SGCZ: variants seen among roughly 807,000 people sequenced by gnomAD.
SGCZ encodes the protein zeta-sarcoglycan.
Under a neutral mutation model 41.3 loss-of-function variants are expected in SGCZ, and 40 were observed. The ratio of observed to expected loss-of-function variants is 0.97; its 90% CI spans 0.75 to 1.26. SGCZ has a LOEUF of 1.26. Ranked by LOEUF, SGCZ falls within the 50% of genes most tolerant of loss-of-function variation. The pLI, the probability that SGCZ is intolerant of heterozygous loss-of-function variation, is 0.00. For synonymous variants in SGCZ, 206 were observed against 137.5 expected (o/e 1.50, Z -3.49); for missense variants, 552 against 369.8 (o/e 1.49, Z -4.04).
At chr8:15,220,711 T>C (rs268344) in intron 1 of SGCZ, among the ~76,000 whole-genome samples, 141,438 of 152,208 alleles carry the variant, frequency 0.93, 65,941 homozygotes, top group Non-Finnish European at 0.97. Context: ...GACACATGCA[T>C]ACGTACGTTT....
At chr8:14,553,123 A>G (rs10090479) in intron 2 of SGCZ, among the ~76,000 whole-genome samples, 41,751 of 151,986 alleles carry the variant, frequency 0.27, 7,218 homozygotes, top group Non-Finnish European at 0.39. Flanking sequence ...TGCTCCTACC[A>G]TACGATAAAT....
At chr8:15,049,611 C>T (rs1357694139) in intron 1 of SGCZ, among the ~76,000 whole-genome samples, 3 of 152,072 alleles carry the variant, frequency 2.0e-5, no homozygotes, top group Admixed American at 1.3e-4. Context: ...TGCCACCATG[C>T]GCAGCTAGGT....
At chr8:14,411,563 A>G (rs964119104) in intron 2 of SGCZ, among the ~76,000 whole-genome samples, 1 of 152,084 alleles carries the variant, frequency 6.6e-6, no homozygotes, top group African/African-American at 2.4e-5. Context: ...AGAAATATAT[A>G]CTTCCAAAGT....
rs573371221 is a variant in SGCZ, at chr8:14,658,347, A to G, written c.40-103421T>C. 4.6e-5 allele frequency among the ~76,000 whole-genome samples: 7 copies of G among 152,294 alleles called. No homozygotes were observed. In the South Asian group the frequency reaches 6.2e-4, roughly 14 times the overall value. ...GTGTTGTCCTAACTAGTCTGCTGCAATTGAACTCATGCCCTTTCATAGTTT... is the reference window on the plus strand; with the variant it reads ...GTGTTGTCCTAACTAGTCTGCTGCAGTTGAACTCATGCCCTTTCATAGTTT... On this transcript the variant is annotated intron_variant, in intron 1 of 7. Coordinates refer to ENST00000382080, the MANE Select transcript of SGCZ (RefSeq NM_139167.4).
chr8:14,767,479 T>C (rs1800075945), intron 1 of SGCZ, among the ~76,000 whole-genome samples: 1 of 152,128 alleles, frequency 6.6e-6, no homozygotes, highest in Non-Finnish European at 1.5e-5. Flanking sequence ...CTCTAGCATT[T>C]TGGGGGAAGA....
At chr8:14,624,287 T>C (rs1023095434) in intron 1 of SGCZ, among the ~76,000 whole-genome samples, 5 of 152,070 alleles carry the variant, frequency 3.3e-5, no homozygotes, top group African/African-American at 1.2e-4. Flanking sequence ...CCAATAACAA[T>C]GTTTATAATG....
At chr8:14,151,076 A>AATAGT (rs2116951412) in intron 5 of SGCZ, among the ~76,000 whole-genome samples, 1 of 152,276 alleles carries the variant, frequency 6.6e-6, no homozygotes, top group Non-Finnish European at 1.5e-5. Context: ...GAGTACAAAA[A>AATAGT]ATAGTAAGAA....
intron 1 of SGCZ, among the ~76,000 whole-genome samples, chr8:15,140,235 G>A (rs117635831): frequency 0.023 from 3,493 of 152,168 alleles, 72 homozygotes; most frequent in Non-Finnish European, 0.033. Flanking sequence ...TTATTGCCCA[G>A]GCCAGTCTCG....
intron 3 of SGCZ, among the ~76,000 whole-genome samples, chr8:14,246,617 A>C (rs1161124608): frequency 2.0e-5 from 3 of 151,834 alleles, no homozygotes; most frequent in East Asian, 3.9e-4. Flanking sequence ...AAAAGAAATA[A>C]AAAGTAAAAG....
intron 2 of SGCZ, among the ~76,000 whole-genome samples, chr8:14,524,289 G>T (rs79695522): frequency 0.013 from 2,035 of 151,972 alleles, 38 homozygotes; most frequent in East Asian, 0.065. Flanking sequence ...TTCCTGGCAG[G>T]AGTGGAAGTC....
intron 2 of SGCZ, among the ~76,000 whole-genome samples, chr8:14,478,820 C>G (rs1014581048): frequency 6.6e-6 from 1 of 152,110 alleles, no homozygotes; most frequent in Non-Finnish European, 1.5e-5. Flanking sequence ...CATTTTCACT[C>G]TTGTTGACGA....
At chr8:14,224,602 C>G (rs77738224) in intron 4 of SGCZ, among the ~76,000 whole-genome samples, 3,659 of 152,180 alleles carry the variant, frequency 0.024, 154 homozygotes, top group African/African-American at 0.083. Flanking sequence ...TACTTTATTA[C>G]GTTGGCTACG....
intron 4 of SGCZ, among the ~76,000 whole-genome samples, chr8:14,182,077 T>C (rs373303398): frequency 4.6e-5 from 7 of 152,334 alleles, no homozygotes; most frequent in East Asian, 1.9e-4. Flanking sequence ...ATACTGTATA[T>C]GTGGCCTGTA....
At chr8:14,471,709 T>A (rs1018084111) in intron 2 of SGCZ, among the ~76,000 whole-genome samples, 20 of 152,092 alleles carry the variant, frequency 1.3e-4, no homozygotes, top group Non-Finnish European at 2.4e-4. Flanking sequence ...AGCTATTCAA[T>A]AAATAAAAAT....
intron 1 of SGCZ, among the ~76,000 whole-genome samples, chr8:14,678,648 A>G (rs1232776215): frequency 6.6e-6 from 1 of 152,218 alleles, no homozygotes; most frequent in African/African-American, 2.4e-5. Context: ...AAAACTATAT[A>G]AATGCTTATC....
chr8:15,073,308 C>T (rs891406136), intron 1 of SGCZ, among the ~76,000 whole-genome samples: 2 of 152,118 alleles, frequency 1.3e-5, no homozygotes, highest in Non-Finnish European at 2.9e-5. Context: ...AATTTCATTT[C>T]CTAGTGCTAT....
rs117216277 is a variant in SGCZ at position 14,768,123 on chromosome 8, G to A, written c.40-213197C>T. 3.7e-3 allele frequency among the ~76,000 whole-genome samples: 569 copies of A among 152,270 alleles called. 2 individuals are homozygous for A. Among genetic ancestry groups the A allele is most frequent in the Middle Eastern group, 6.8e-3 (2 of 294 alleles). On this transcript the variant is annotated intron_variant, in intron 1 of 7. Coordinates refer to ENST00000382080, the MANE Select transcript of SGCZ (RefSeq NM_139167.4). ...AAACCTAAAATGCCAAAAAGAATAT[G>A]CAGAGAAAGAGAAAATATGTTTAAC...
At chr8:15,003,880 C>A (rs1035033205) in intron 1 of SGCZ, among the ~76,000 whole-genome samples, 1 of 152,022 alleles carries the variant, frequency 6.6e-6, no homozygotes, top group Non-Finnish European at 1.5e-5. Flanking sequence ...AATTTAGAAA[C>A]CCTACCGGGG....
In SGCZ at chr8:14,396,920, T is replaced by A. The variant is rs374833091; in HGVS notation, c.235-72716A>T. On this transcript the variant is annotated intron_variant, in intron 2 of 7. Transcript: ENST00000382080. ...GGCTTATTGCAGGGAGCTTAGGTTT[T>A]AACCAATGGAAATGTGCTGAATTGC... 1.6e-3 allele frequency among the ~76,000 whole-genome samples: 239 copies of A among 152,296 alleles called. 2 individuals are homozygous for A. Among genetic ancestry groups the A allele is most frequent in the African/African-American group, 5.6e-3 (232 of 41,580 alleles).
Sources: allele counts gnomAD v4.1 joint callset (sites outside exome capture counted in the v4.1 genomes callset), GRCh38; gene constraint gnomAD v4.1.1; transcripts MANE v1.5; gene names NCBI Gene and HGNC (gene_info 2026-07-23, HGNC 2026-07-21).